Variants in EXOC4 observed in about 807,000 individuals in gnomAD.
The protein encoded by EXOC4 is exocyst complex component 4.
In EXOC4, 71 loss-of-function variants were observed where a neutral mutation model predicts 107.2. The ratio of observed to expected loss-of-function variants is 0.66; its 90% confidence interval spans 0.55 to 0.81. EXOC4 has a LOEUF of 0.81. Among genes scored for constraint, EXOC4 ranks in the 30% least tolerant of loss-of-function variants. EXOC4 has a pLI of 0.00. For missense variants in EXOC4, 1,108 were observed against 1,189.6 expected (o/e 0.93, Z 1.01); for synonymous variants, 456 against 441.2 (o/e 1.03, Z -0.42).
intron 9 of EXOC4, among the ~76,000 whole-genome samples, chr7:133,530,551 A>G (rs149338954): frequency 4.5e-4 from 68 of 152,356 alleles, no homozygotes; most frequent in African/African-American, 1.6e-3. Context: ...CCATGGAACC[A>G]TCACTGTATG....
At chr7:133,347,243 A>G (rs1317153618) in intron 5 of EXOC4, among the ~76,000 whole-genome samples, 4 of 132,366 alleles carry the variant, frequency 3.0e-5, no homozygotes, top group Admixed American at 1.5e-4. Context: ...CGTAAACTAT[A>G]CTTTTTTTTT....
the EXOC4 span, among the ~76,000 whole-genome samples, chr7:134,095,935 A>G: frequency 1.3e-5 from 2 of 152,208 alleles, no homozygotes; most frequent in African/African-American, 2.4e-5. Flanking sequence ...AGTCTTCAAA[A>G]GCAATTCCAA....
intron 14 of EXOC4, among the ~76,000 whole-genome samples, chr7:133,950,406 A>G (rs968854899): frequency 1.3e-5 from 2 of 152,206 alleles, no homozygotes; most frequent in Admixed American, 6.5e-5. Context: ...AAAGATCTGT[A>G]TACTTTACCC....
At chr7:133,893,786 C>T (rs1481654379) in intron 11 of EXOC4, among the ~76,000 whole-genome samples, 2 of 58,242 alleles carry the variant, frequency 3.4e-5, no homozygotes, top group African/African-American at 2.7e-4. Flanking sequence ...GGGTTTCTGC[C>T]GAGAGATCCA....
At chr7:133,674,429 A>G (rs944562336) in intron 10 of EXOC4, among the ~76,000 whole-genome samples, 1 of 152,286 alleles carries the variant, frequency 6.6e-6, no homozygotes, top group Non-Finnish European at 1.5e-5. Context: ...TATCACGATA[A>G]TTACATTGTT....
intron 7 of EXOC4, among the ~76,000 whole-genome samples, chr7:133,413,818 C>T (rs754149516): frequency 1.3e-5 from 2 of 152,104 alleles, no homozygotes; most frequent in Non-Finnish European, 2.9e-5. Context: ...CATATACTTT[C>T]CTGGTTTGGC....
At chr7:133,887,195 C>T (rs907516151) in intron 11 of EXOC4, among the ~76,000 whole-genome samples, 2 of 152,186 alleles carry the variant, frequency 1.3e-5, no homozygotes, top group Admixed American at 6.6e-5. Flanking sequence ...CAATTCTCGT[C>T]AGCTGAAAGC....
intron 10 of EXOC4, among the ~76,000 whole-genome samples, chr7:133,668,941 G>A (rs922420819): frequency 7.9e-5 from 12 of 151,682 alleles, no homozygotes; most frequent in Non-Finnish European, 1.5e-4. Flanking sequence ...AGGTGATGGG[G>A]GTCTGAGGAT....
intron 7 of EXOC4, among the ~76,000 whole-genome samples, chr7:133,376,487 T>G (rs2150692428): frequency 1.3e-5 from 2 of 152,358 alleles, no homozygotes; most frequent in Middle Eastern, 3.4e-3. Flanking sequence ...AGTTACCCTT[T>G]GCTGTAAGCA....
intron 10 of EXOC4, among the ~76,000 whole-genome samples, chr7:133,701,611 C>T (rs1794657154): frequency 6.6e-6 from 1 of 152,088 alleles, no homozygotes; most frequent in South Asian, 2.1e-4. Flanking sequence ...AAATTAGGCA[C>T]AGTCAGAGAT....
intron 10 of EXOC4, among the ~76,000 whole-genome samples, chr7:133,787,977 A>T (rs868360412): frequency 2.0e-4 from 12 of 59,318 alleles, no homozygotes; most frequent in African/African-American, 6.5e-4. Flanking sequence ...ATATATATAT[A>T]TATATATATA....
At chr7:134,016,031 A>T (rs2116392711) in intron 17 of EXOC4, among the ~76,000 whole-genome samples, 1 of 152,164 alleles carries the variant, frequency 6.6e-6, no homozygotes, top group Middle Eastern at 3.4e-3. Context: ...AAAGTGAAGG[A>T]GTCAAGGATG....
rs180836263 is a variant in EXOC4 at position 133,429,442 on chromosome 7, C to T, written c.1183-45886C>T. Among the ~76,000 whole-genome samples the T allele has an allele frequency of 4.5e-3, 679 of 152,150 alleles. 6 individuals carry two copies. The highest frequency in any genetic ancestry group is 0.016 in the African/African-American group (644 of 41,498). ...TAATTTTTTAAAATTAAAAGCATTG[C>T]GATATAATTCACATATAAGTCACCA... On this transcript the variant is annotated intron_variant, in intron 7 of 17. Transcript: ENST00000253861.
intron 14 of EXOC4, among the ~76,000 whole-genome samples, chr7:133,971,956 C>T (rs1367258966): frequency 6.6e-6 from 1 of 152,162 alleles, no homozygotes; most frequent in Non-Finnish European, 1.5e-5. Flanking sequence ...AATGAGGAAT[C>T]CAGGGGTCTC....
intron 13 of EXOC4, among the ~76,000 whole-genome samples, chr7:133,929,904 C>T (rs1800138759): frequency 6.6e-6 from 1 of 152,106 alleles, no homozygotes. Context: ...CCTGACACCT[C>T]CTTGCTTTTG....
intron 17 of EXOC4, among the ~76,000 whole-genome samples, chr7:134,054,311 C>T (rs1795871777): frequency 6.6e-6 from 1 of 152,158 alleles, no homozygotes; most frequent in South Asian, 2.1e-4. Flanking sequence ...TCCTCCTCGC[C>T]ACCCAGTGAC....
chr7:133,337,148 T>G (rs1041963496), intron 5 of EXOC4, among the ~76,000 whole-genome samples: 1 of 152,226 alleles, frequency 6.6e-6, no homozygotes, highest in African/African-American at 2.4e-5. Context: ...TTGTCAATGT[T>G]GTGTTGAATT....
chr7:133,361,097 T>C (rs1796126369), intron 6 of EXOC4, among the ~76,000 whole-genome samples: 1 of 152,132 alleles, frequency 6.6e-6, no homozygotes, highest in African/African-American at 2.4e-5. Flanking sequence ...TCCACATTTA[T>C]GAAATATCTG....
chr7:133,591,547 G>GGTGTGT (rs199675433), intron 9 of EXOC4, among the ~76,000 whole-genome samples: 7 of 59,240 alleles, frequency 1.2e-4, no homozygotes, highest in African/African-American at 4.0e-4. Context: ...TTAAAGATCT[G>GGTGTGT]GTGTGTGTGT....
Sources: allele counts gnomAD v4.1 joint callset (sites outside exome capture counted in the v4.1 genomes callset), GRCh38; gene constraint gnomAD v4.1.1; transcripts MANE v1.5; gene names NCBI Gene and HGNC (gene_info 2026-07-23, HGNC 2026-07-21).